Variants in ADSS2 observed in about 807,000 individuals in gnomAD.
ADSS2 encodes the protein adenylosuccinate synthase 2, also known as adenylosuccinate synthetase isozyme 2.
ADSS2 carries 30 observed loss-of-function variants against 60.0 expected under a neutral mutation model. That is an observed-to-expected ratio of 0.50 (90% CI 0.37 to 0.68). ADSS2 has a LOEUF of 0.68. Ranked by LOEUF, ADSS2 falls within the 30% of genes least tolerant of loss-of-function variation. ADSS2 has a pLI of 0.00. For synonymous variants in ADSS2, 187 were observed against 193.1 expected (o/e 0.97, Z 0.26); for missense variants, 373 against 554.8 (o/e 0.67, Z 3.29).
chr1:244,441,152 G>A (rs1296637460), intron 1 of ADSS2, among the ~76,000 whole-genome samples: 2 of 151,098 alleles, frequency 1.3e-5, no homozygotes, highest in East Asian at 2.0e-4. Context: ...TCCGCCTCTC[G>A]GGTTCATGCC....
At chr1:244,438,030 C>T (rs938268725) in intron 1 of ADSS2, among the ~76,000 whole-genome samples, 13 of 152,118 alleles carry the variant, frequency 8.5e-5, no homozygotes, top group African/African-American at 3.1e-4. Flanking sequence ...CATATTCCTT[C>T]TTAAAAGAGG....
intron 8 of ADSS2, chr1:244,419,358 A>C (rs900997673): frequency 6.5e-6 from 1 of 153,134 alleles, no homozygotes; most frequent in Non-Finnish European, 1.5e-5. Flanking sequence ...CCCAGCTTTT[A>C]ATCTCTACTC....
At chr1:244,426,771 T>C (rs983496938) in intron 4 of ADSS2, among the ~76,000 whole-genome samples, 9 of 152,150 alleles carry the variant, frequency 5.9e-5, no homozygotes, top group Admixed American at 1.3e-4. Flanking sequence ...TTATATACAA[T>C]TGTAGGCCCC....
chr1:244,425,844 T>C (rs1023950860), intron 4 of ADSS2, among the ~76,000 whole-genome samples: 21 of 152,114 alleles, frequency 1.4e-4, no homozygotes, highest in Admixed American at 2.6e-4. Flanking sequence ...AAAAGTAACA[T>C]CTTTAAAGCC....
intron 4 of ADSS2, among the ~76,000 whole-genome samples, chr1:244,425,638 A>G (rs561144188): frequency 6.6e-6 from 1 of 152,194 alleles, no homozygotes; most frequent in Admixed American, 6.5e-5. Context: ...GACACTACTA[A>G]AACTATCAAG....
At chr1:244,435,168 CAAAAAAAAAAAAAAAAAAAA>C (rs60576167) in intron 3 of ADSS2, among the ~76,000 whole-genome samples, 1 of 51,730 alleles carries the variant, frequency 1.9e-5, no homozygotes, top group African/African-American at 8.3e-5. Flanking sequence ...ACTCCGTCTC[CAAAAAAAAAAAAAAAAAAAA>C]AAAAAAAAAC....
chr1:244,448,295 T>C lies in ADSS2; in HGVS notation c.183+3340A>G, dbSNP rs138459589. ...TAGTTTGCTGCTGATATGTCTTTTA[T>C]GCTTCTTTAACACTAATAGTGGTTT... On this transcript the variant is annotated intron_variant, in intron 1 of 12. Transcript: ENST00000366535. Among the ~76,000 whole-genome samples, 789 of 152,372 alleles carry C rather than the reference T, an allele frequency of 5.2e-3. 3 individuals are homozygous for C. The highest frequency in any genetic ancestry group is 8.2e-3 in the Non-Finnish European group (556 of 68,040).
At chr1:244,437,913 G>A in intron 1 of ADSS2, 145 bp from the exon 2 acceptor site, 1 of 646,002 alleles carries the variant, frequency 1.5e-6, no homozygotes, top group Non-Finnish European at 2.7e-6. Flanking sequence ...TTTGTAAAAG[G>A]CTTTAAAATA....
chr1:244,433,784 C>A (rs1340941823), intron 3 of ADSS2, among the ~76,000 whole-genome samples: 2 of 146,990 alleles, frequency 1.4e-5, no homozygotes, highest in African/African-American at 2.5e-5. Flanking sequence ...CACTTGAACC[C>A]GGGAGGCGGA....
In ADSS2 at chr1:244,451,893, G is replaced by C. The variant is rs1035426984; in HGVS notation, c.-76C>G. On this transcript the variant is annotated 5_prime_UTR_variant, in exon 1 of 13. Transcript: ENST00000366535. This position sits in a 1 kb window ranked among gnomAD's most constrained non-coding sequence, Gnocchi z 6.6. ...GAGCGAACTGAACTGCTCTGCGGCC[G>C]CCAGCCACATGCAGAGGAAGAAGGA... The C allele has an allele frequency of 1.5e-6, 2 of 1,373,698 alleles. No homozygotes were observed. The highest frequency in any genetic ancestry group is 1.9e-6 in the Non-Finnish European group (2 of 1,048,054). The allele number at this position is 1,373,698 out of a possible 1,614,324, so 85.1% of individuals were successfully genotyped here.
chr1:244,436,849 C>A lies in ADSS2; in HGVS notation c.331G>T (p.Glu111Ter). 1 of 1,612,178 alleles carries A rather than the reference C, an allele frequency of 6.2e-7. No homozygotes were observed. Among genetic ancestry groups the A allele is most frequent in the Non-Finnish European group, 8.5e-7 (1 of 1,179,108 alleles). ...CCTTTTCCTTTTTGAACATTTTTCT[C>A]TGCTTCTTCAAACAATCCAGGTAGA... ...IHLPGLFEEA[E>*]KNVQKGKGLE... Residue 111 changes from glutamate to a stop codon, truncating the protein, a stop_gained, in exon 3 of 13, where the codon GAG becomes TAG. Coordinates refer to ENST00000366535, the MANE Select transcript of ADSS2 (RefSeq NM_001126.5). LOFTEE classifies it high-confidence loss of function.
At chr1:244,443,963 T>C (rs1665316095) in intron 1 of ADSS2, among the ~76,000 whole-genome samples, 1 of 152,160 alleles carries the variant, frequency 6.6e-6, no homozygotes, top group Non-Finnish European at 1.5e-5. Context: ...TTCTGAAATA[T>C]ACCCTACCCC....
At chr1:244,423,456 C>G (rs2147996368) in intron 6 of ADSS2, among the ~76,000 whole-genome samples, 1 of 152,282 alleles carries the variant, frequency 6.6e-6, no homozygotes, top group Non-Finnish European at 1.5e-5. Context: ...TTTTTGATGA[C>G]TACTAGGTTT....
rs777703306 is a variant in ADSS2 at position 244,451,741 on chromosome 1, C to G, written c.77G>C (p.Gly26Ala). ...GDCGRPRARPGGNRVTVVLGA... is the reference protein window; with the variant it reads ...GDCGRPRARPAGNRVTVVLGA... ...GAGCACCACCGTCACCCGGTTTCCT[C>G]CGGGCCGCGCCCTGGGGCGGCCGCA... Residue 26 changes from glycine to alanine, a missense_variant, in exon 1 of 13, where the codon GGA (glycine) becomes GCA (alanine). Gly to Ala is a moderately conservative substitution (Grantham distance 60, BLOSUM62 0). Transcript: ENST00000366535. The surrounding 1 kb of genome is among the most constrained non-coding windows in gnomAD (Gnocchi z 6.6). 11 of 1,605,724 alleles carry G rather than the reference C, an allele frequency of 6.9e-6. No individual in the cohort carries two copies. The Admixed American group carries it at 1.0e-4, about 15-fold the overall frequency.
chr1:244,451,510 A>C lies in ADSS2; in HGVS notation c.183+125T>G. On this transcript the variant is annotated intron_variant, in intron 1 of 12. Coordinates refer to ENST00000366535, the MANE Select transcript of ADSS2 (RefSeq NM_001126.5). The surrounding 1 kb of genome is among the most constrained non-coding windows in gnomAD (Gnocchi z 6.6). ...GCCGCAGCTCAGGACAGGAGGAGAG[A>C]GCCTCAAGGTGACACCTCATTTTGG... The C allele has an allele frequency of 9.5e-7, 1 of 1,050,912 alleles. No homozygotes were observed. Among genetic ancestry groups the C allele is most frequent in the Non-Finnish European group, 1.3e-6 (1 of 745,760 alleles). The allele number at this position is 1,050,912 out of a possible 1,614,324, so 65.1% of individuals were successfully genotyped here.
At chr1:244,416,971 TTTAAC>T (rs766271034) in intron 10 of ADSS2, among the ~76,000 whole-genome samples, 2 of 152,246 alleles carry the variant, frequency 1.3e-5, no homozygotes, top group Non-Finnish European at 2.9e-5. Context: ...AAACTGTATT[TTTAAC>T]TTTATTGTTA....
rs185285105 is a variant in ADSS2 at position 244,431,771 on chromosome 1, T to C, written c.406+774A>G. On this transcript the variant is annotated intron_variant, in intron 4 of 12. Transcript: ENST00000366535. ...AGTTTACTTCAAATAAGTTATTTTA[T>C]TGGGTTACTAAGATTATACATAGGA... Among the ~76,000 whole-genome samples, 511 of 152,334 alleles carry C rather than the reference T, an allele frequency of 3.4e-3. 4 individuals are homozygous for C. Among genetic ancestry groups the C allele is most frequent in the African/African-American group, 0.012 (487 of 41,576 alleles).
chr1:244,439,038 C>G (rs577215296), intron 1 of ADSS2, among the ~76,000 whole-genome samples: 57 of 152,282 alleles, frequency 3.7e-4, no homozygotes, highest in African/African-American at 1.3e-3. Flanking sequence ...CCATACCCCA[C>G]TCTTACCACT....
At chr1:244,445,425 T>A (rs1665360788) in intron 1 of ADSS2, among the ~76,000 whole-genome samples, 1 of 152,212 alleles carries the variant, frequency 6.6e-6, no homozygotes. Flanking sequence ...GATATAATAG[T>A]ATTTAGTTAT....
Sources: gnomAD v4.1 joint callset for allele counts (sites outside exome capture counted in the v4.1 genomes callset) on GRCh38, gnomAD v4.1.1 for gene constraint, Gnocchi (gnomAD v3.1) non-coding constraint, MANE v1.5 for transcripts, NCBI Gene and HGNC (gene_info 2026-07-23, HGNC 2026-07-21) for gene names.